The following NAPG variants were observed in gnomAD, a reference collection of about 807,000 sequenced individuals.
NAPG encodes NSF attachment protein gamma, also known as gamma-soluble NSF attachment protein.
NAPG carries 25 observed loss-of-function variants against 48.4 expected under a neutral mutation model. The observed-to-expected ratio is 0.52, with a 90% CI of 0.38 to 0.72. The LOEUF (loss-of-function observed/expected upper bound fraction) is 0.72, where lower values mean the gene tolerates loss of function less well. NAPG is among the 30% of genes least tolerant of loss of function. NAPG has a pLI of 0.00. For missense variants in NAPG, 359 were observed against 372.5 expected (o/e 0.96, Z 0.30); for synonymous variants, 139 against 127.2 (o/e 1.09, Z -0.62).
intron 1 of NAPG, among the ~76,000 whole-genome samples, chr18:10,527,057 G>A (rs1028695515): frequency 8.6e-5 from 13 of 151,854 alleles, no homozygotes; most frequent in Admixed American, 6.5e-5. Flanking sequence ...GCGTGGTGGC[G>A]GGCGCCTGTA....
At position 10,534,624 on chromosome 18, in the gene NAPG, C is replaced by G. The variant is rs1337490693; in HGVS notation, c.258+128C>G. The G allele has an allele frequency of 1.3e-6, 1 of 785,892 alleles. No homozygotes were observed. Among genetic ancestry groups the G allele is most frequent in the Non-Finnish European group, 2.2e-6 (1 of 459,368 alleles). The allele number at this position is 785,892 out of a possible 1,614,324, so 48.7% of individuals were successfully genotyped here. ...GCAAGAGGTGCTAAGTTAAGATTTTCTGTCCACGGTAACGTTAATTGGACC... is the reference window on the plus strand; with the variant it reads ...GCAAGAGGTGCTAAGTTAAGATTTTGTGTCCACGGTAACGTTAATTGGACC... On this transcript the variant is annotated intron_variant, in intron 5 of 11. Transcript: ENST00000322897. This position sits in a 1 kb window ranked among gnomAD's most constrained non-coding sequence, Gnocchi z 5.0.
chr18:10,530,188 C>CTTTTTTTTTTTTTTTTTTTTTT (rs58597079), intron 1 of NAPG, among the ~76,000 whole-genome samples: 1 of 67,320 alleles, frequency 1.5e-5, no homozygotes, highest in Non-Finnish European at 2.8e-5. Flanking sequence ...CGAGTTTTCA[C>CTTTTTTTTTTTTTTTTTTTTTT]TTTTTTTTTT....
In NAPG at chr18:10,548,856, A is replaced by C. The variant is rs73942694; in HGVS notation, c.666-111A>C. On this transcript the variant is annotated intron_variant, in intron 10 of 11. Coordinates refer to ENST00000322897, the MANE Select transcript of NAPG (RefSeq NM_003826.3). The surrounding 1 kb of genome is among the most constrained non-coding windows in gnomAD (Gnocchi z 4.4). ...ATGCCACTAGCATTCCCACACTTTT[A>C]AGTACCAAAATGTCTCCAGACAGTG... 2.8e-3 allele frequency: 3,781 copies of C among 1,359,232 alleles called. 106 individuals carry two copies. In the African/African-American group the frequency reaches 0.049, roughly 18 times the overall value. The allele number at this position is 1,359,232 out of a possible 1,614,324, so 84.2% of individuals were successfully genotyped here.
In NAPG at chr18:10,527,052, G is replaced by A. The variant is rs538525004; in HGVS notation, c.56+894G>A. The stretch of plus-strand genomic sequence containing the variant: ...AAATACAAAAAATTAGCCGGGCGTG[G>A]TGGCGGGCGCCTGTAGTCCCAGCTA... On this transcript the variant is annotated intron_variant, in intron 1 of 11. Transcript: ENST00000322897. 7.9e-5 allele frequency among the ~76,000 whole-genome samples: 12 copies of A among 152,090 alleles called. No homozygotes were observed. The East Asian group carries it at 2.3e-3, about 29-fold the overall frequency.
chr18:10,542,654 G>A lies in NAPG; in HGVS notation c.506+2255G>A, dbSNP rs190173337. 2.8e-3 allele frequency among the ~76,000 whole-genome samples: 419 copies of A among 152,268 alleles called. 1 individual carries two copies. The highest frequency in any genetic ancestry group is 4.3e-3 in the Non-Finnish European group (291 of 68,008). ...TAGACTGTGTGGCATGGAGTCTAAA[G>A]TTTTATGTTTGTTATATTTAGTTAG... On this transcript the variant is annotated intron_variant, in intron 8 of 11. Coordinates refer to ENST00000322897, the MANE Select transcript of NAPG (RefSeq NM_003826.3). The surrounding 1 kb of genome is among the most constrained non-coding windows in gnomAD (Gnocchi z 4.5).
chr18:10,546,176 G>T lies in NAPG; in HGVS notation c.507-150G>T. On this transcript the variant is annotated intron_variant, in intron 8 of 11. Coordinates refer to ENST00000322897, the MANE Select transcript of NAPG (RefSeq NM_003826.3). The surrounding 1 kb of genome is among the most constrained non-coding windows in gnomAD (Gnocchi z 4.0). ...TTGAAAGGTAAGCCAGATGAGCAGAGCATGTGGAAACCTGGGTCCTGGGGC... is the reference window on the plus strand; with the variant it reads ...TTGAAAGGTAAGCCAGATGAGCAGATCATGTGGAAACCTGGGTCCTGGGGC... 1 of 487,894 alleles carries T rather than the reference G, an allele frequency of 2.0e-6. No individual in the cohort carries two copies. The highest frequency in any genetic ancestry group is 3.7e-6 in the Non-Finnish European group (1 of 271,830). The allele number at this position is 487,894 out of a possible 1,614,324, so 30.2% of individuals were successfully genotyped here. A position where few individuals can be genotyped will look rare whatever the true frequency, so the allele number is the denominator to read the frequency against.
chr18:10,536,964 T>TG (rs1436983431), intron 5 of NAPG, among the ~76,000 whole-genome samples: 3 of 149,674 alleles, frequency 2.0e-5, no homozygotes, highest in African/African-American at 7.5e-5. Flanking sequence ...CTGTTTTTGT[T>TG]TTTTTTTTTT....
At position 10,544,426 on chromosome 18, in the gene NAPG, A is replaced by G. The variant is rs2032219926; in HGVS notation, c.507-1900A>G. On this transcript the variant is annotated intron_variant, in intron 8 of 11. Transcript: ENST00000322897. The surrounding 1 kb of genome is among the most constrained non-coding windows in gnomAD (Gnocchi z 5.1). ...TCCAAGCTCATTGATTGTTGGCAGA[A>G]TTGATTTCCTTGCAGCTGTGTGGAA... 1.3e-5 allele frequency among the ~76,000 whole-genome samples: 2 copies of G among 152,218 alleles called. No individual in the cohort carries two copies. The highest frequency in any genetic ancestry group is 1.3e-4 in the Admixed American group (2 of 15,280).
chr18:10,540,755 AAC>A (rs766488730), intron 8 of NAPG: 8 of 169,996 alleles, frequency 4.7e-5, no homozygotes, highest in Non-Finnish European at 8.7e-5. Context: ...AAGATGCATA[AAC>A]ACTCACCCAT....
chr18:10,528,123 T>G (rs1361361265), intron 1 of NAPG, among the ~76,000 whole-genome samples: 3 of 151,838 alleles, frequency 2.0e-5, no homozygotes, highest in African/African-American at 7.3e-5. Context: ...GAGGCGGAGG[T>G]TGCAGTGAGC....
At chr18:10,529,675 C>A (rs2031889222) in intron 1 of NAPG, among the ~76,000 whole-genome samples, 1 of 152,164 alleles carries the variant, frequency 6.6e-6, no homozygotes, top group African/African-American at 2.4e-5. Context: ...GTCACTTGAA[C>A]CTGGGAGGCG....
rs1307165775 is a variant in NAPG at position 10,548,332 on chromosome 18, A to C, written c.619A>C (p.Arg207=). The stretch of plus-strand genomic sequence containing the variant: ...TGCTCAAGTCTTAGTTCATCTACAC[A>C]GAAATGACTATGTAGCTGCAGAAAG... The part of the protein sequence containing the change: ...TIAQVLVHLH[R]NDYVAAERCV... Residue 207 remains arginine (R), a synonymous_variant, in exon 10 of 12, where the codon AGA becomes CGA. Coordinates refer to ENST00000322897, the MANE Select transcript of NAPG (RefSeq NM_003826.3). This position sits in a 1 kb window ranked among gnomAD's most constrained non-coding sequence, Gnocchi z 4.4. 2.5e-6 allele frequency: 4 copies of C among 1,613,788 alleles called. No homozygotes were observed. In the African/African-American group the frequency reaches 5.3e-5, roughly 22 times the overall value.
intron 2 of NAPG, 49 bp downstream of exon 2, chr18:10,530,886 T>A (rs1403680461): frequency 8.9e-6 from 12 of 1,347,662 alleles, no homozygotes; most frequent in Non-Finnish European, 1.1e-5. Flanking sequence ...CTTAAAATAG[T>A]CTGATAACTT....
chr18:10,548,895 G>A lies in NAPG; in HGVS notation c.666-72G>A. ...CTCCAGACAGTGTCACATGCCAGGG[G>A]CAGAATCATCCCTGCCTGAGATGTG... On this transcript the variant is annotated intron_variant, in intron 10 of 11. Transcript: ENST00000322897. This position sits in a 1 kb window ranked among gnomAD's most constrained non-coding sequence, Gnocchi z 4.4. The A allele has an allele frequency of 3.2e-6, 5 of 1,551,730 alleles. No homozygotes were observed. Among genetic ancestry groups the A allele is most frequent in the Admixed American group, 3.7e-5 (2 of 53,586 alleles).
At position 10,526,109 on chromosome 18, in the gene NAPG, G is replaced by A. The variant is rs778069581; in HGVS notation, c.7G>A (p.Ala3Thr). 6.2e-7 allele frequency: 1 copy of A among 1,613,656 alleles called. No individual in the cohort carries two copies. The highest frequency in any genetic ancestry group is 2.2e-5 in the East Asian group (1 of 44,870). ...CAGAGACCTGACTGTGGAGATGGCG[G>A]CTCAGAAGATAAACGAGGGGCTGGA... The part of the protein sequence containing the change: MA[A>T]QKINEGLEHL... The change falls in exon 1 of 12, where the codon GCT becomes ACT. Residue 3 changes from alanine to threonine, a missense_variant. Coordinates refer to ENST00000322897, the MANE Select transcript of NAPG (RefSeq NM_003826.3).
chr18:10,531,543 GC>G (rs1383039974), intron 2 of NAPG, among the ~76,000 whole-genome samples: 5 of 152,166 alleles, frequency 3.3e-5, no homozygotes, highest in African/African-American at 1.2e-4. Flanking sequence ...TGTTAGCCTA[GC>G]ATAGAGATCA....
intron 11 of NAPG, 129 bp downstream of exon 11, chr18:10,549,225 CATAAG>C: frequency 9.6e-7 from 1 of 1,046,712 alleles, no homozygotes; most frequent in Non-Finnish European, 1.4e-6. Flanking sequence ...AGCTACTACT[CATAAG>C]GAAACTGACC....
At chr18:10,532,247 G>C (rs2031942509) in intron 2 of NAPG, among the ~76,000 whole-genome samples, 1 of 152,134 alleles carries the variant, frequency 6.6e-6, no homozygotes, top group South Asian at 2.1e-4. Context: ...GACATTTAAA[G>C]ATTGTGCCAA....
Position 10,539,757 on chromosome 18 carries a change from C to T in NAPG, c.259-5C>T, listed in dbSNP as rs1430476747. The T allele has an allele frequency of 6.2e-7, 1 of 1,612,936 alleles. No individual in the cohort carries two copies. The highest frequency in any genetic ancestry group is 8.5e-7 in the Non-Finnish European group (1 of 1,179,104). The stretch of plus-strand genomic sequence containing the variant: ...TGACCTGTCTACTGTATCCTTTGCC[C>T]AAAGGAGATGCAGAAACTACCAGAG... On this transcript the variant is annotated splice_region_variant and splice_polypyrimidine_tract_variant and intron_variant, in intron 5 of 11. Coordinates refer to ENST00000322897, the MANE Select transcript of NAPG (RefSeq NM_003826.3). The surrounding 1 kb of genome is among the most constrained non-coding windows in gnomAD (Gnocchi z 4.7).
Sources: allele counts gnomAD v4.1 joint callset (sites outside exome capture counted in the v4.1 genomes callset), GRCh38; gene constraint gnomAD v4.1.1; non-coding constraint Gnocchi (gnomAD v3.1); transcripts MANE v1.5; gene names NCBI Gene and HGNC (gene_info 2026-07-23, HGNC 2026-07-21).